Variants in MLLT10 observed in about 807,000 individuals in gnomAD.
The protein encoded by MLLT10 is protein AF-10.
In MLLT10, 30 loss-of-function variants were observed where a neutral mutation model predicts 129.1. The ratio of observed to expected loss-of-function variants is 0.23; its 90% CI spans 0.17 to 0.32. MLLT10 has a LOEUF of 0.32. Among genes scored for constraint, MLLT10 ranks in the 10% least tolerant of loss-of-function variants. The pLI is 1.00. For missense variants in MLLT10, 1,119 were observed against 1,268.3 expected, an observed-to-expected ratio of 0.88 and a Z score of 1.79; for synonymous variants, 490 against 446.4, an observed-to-expected ratio of 1.10 and a Z score of -1.23.
chr10:21,537,611 C>G (rs544032566), intron 2 of MLLT10, among the ~76,000 whole-genome samples: 1 of 151,986 alleles, frequency 6.6e-6, no homozygotes, highest in Non-Finnish European at 1.5e-5. Flanking sequence ...GTTACAGGCA[C>G]CTGCCACCAT....
chr10:21,620,425 T>G lies in MLLT10; in HGVS notation c.699+3218T>G, dbSNP rs577614484. Among the ~76,000 whole-genome samples, 328 of 152,324 alleles carry G rather than the reference T, an allele frequency of 2.2e-3. 3 individuals carry two copies. The highest frequency in any genetic ancestry group is 7.5e-3 in the African/African-American group (313 of 41,582). On this transcript the variant is annotated intron_variant, in intron 8 of 22. Coordinates refer to ENST00000307729, the MANE Select transcript of MLLT10 (RefSeq NM_001195626.3). ...ATGAAAACTATGCATTTATTGTGCT[T>G]CTAGATTTACCATGGAGTTATGTCA...
At chr10:21,555,001 G>A (rs7085930) in intron 3 of MLLT10, among the ~76,000 whole-genome samples, 4,247 of 150,548 alleles carry the variant, frequency 0.028, 193 homozygotes, top group African/African-American at 0.097. Flanking sequence ...TTCTATTTTA[G>A]GTAGAGACGG....
chr10:21,738,789 A>C (rs1453601685), intron 21 of MLLT10, among the ~76,000 whole-genome samples: 1 of 152,030 alleles, frequency 6.6e-6, no homozygotes, highest in African/African-American at 2.4e-5. Flanking sequence ...CTTACTACCT[A>C]ACTGGTCATT....
intron 1 of MLLT10, 61 bp from the exon 2 acceptor site, chr10:21,534,584 G>C (rs562268199): frequency 6.0e-5 from 92 of 1,531,438 alleles, no homozygotes; most frequent in Non-Finnish European, 7.4e-5. Flanking sequence ...GGGGCTGTGT[G>C]GGGGGGAAGC....
intron 8 of MLLT10, among the ~76,000 whole-genome samples, chr10:21,645,518 C>T (rs1010227886): frequency 1.3e-5 from 2 of 152,036 alleles, no homozygotes; most frequent in Non-Finnish European, 2.9e-5. Flanking sequence ...CTCACATGTT[C>T]TTTTTCTTTC....
intron 3 of MLLT10, among the ~76,000 whole-genome samples, chr10:21,578,006 G>C (rs1273023665): frequency 3.3e-5 from 5 of 151,318 alleles, no homozygotes; most frequent in African/African-American, 9.7e-5. Context: ...AGCGATTCTC[G>C]TGCCTCAGCC....
intron 8 of MLLT10, among the ~76,000 whole-genome samples, chr10:21,628,740 CT>C (rs1161362725): frequency 0.023 from 2,308 of 99,338 alleles, 33 homozygotes; most frequent in African/African-American, 0.08. Context: ...TGTGCCCTGC[CT>C]TTTTTTTTTT....
intron 3 of MLLT10, among the ~76,000 whole-genome samples, chr10:21,571,148 G>A (rs2040156624): frequency 6.6e-6 from 1 of 152,016 alleles, no homozygotes; most frequent in African/African-American, 2.4e-5. Context: ...TTTCCTTTTG[G>A]ACTTTTGGGT....
chr10:21,577,533 G>A (rs1045491769), intron 3 of MLLT10, among the ~76,000 whole-genome samples: 7 of 149,848 alleles, frequency 4.7e-5, no homozygotes, highest in Admixed American at 1.3e-4. Flanking sequence ...GTGCAATGGC[G>A]CAATCTCAGC....
intron 11 of MLLT10, among the ~76,000 whole-genome samples, chr10:21,675,260 T>A (rs978450461): frequency 6.6e-6 from 1 of 152,214 alleles, no homozygotes; most frequent in South Asian, 2.1e-4. Flanking sequence ...GAGCAGGATT[T>A]ATCAATCTTA....
In MLLT10 at chr10:21,624,784, A is replaced by C. The variant is rs193285918; in HGVS notation, c.699+7577A>C. The C allele has an allele frequency of 4.5e-5, 49 of 1,094,380 alleles. No individual in the cohort carries two copies. The Admixed American group carries it at 6.7e-4, about 15-fold the overall frequency. 67.8% of individuals were successfully genotyped at this position (1,094,380 alleles called of 1,614,324 possible). ...AAGCATCTGCCTTCTCTTGCGTCCT[A>C]CATTGTCCCCTGATTGCCCTGAGAT... is the stretch of plus-strand genomic sequence containing the variant. On this transcript the variant is annotated intron_variant, in intron 8 of 22. Transcript: ENST00000307729.
chr10:21,622,153 CTTTTTTTT>C (rs71393915), intron 8 of MLLT10, among the ~76,000 whole-genome samples: 5 of 99,816 alleles, frequency 5.0e-5, no homozygotes, highest in South Asian at 6.3e-4. Context: ...TTTGTTTTTC[CTTTTTTTT>C]TTTTTTTTTT....
At chr10:21,683,701 C>T (rs1264769297) in intron 13 of MLLT10, among the ~76,000 whole-genome samples, 7 of 151,972 alleles carry the variant, frequency 4.6e-5, no homozygotes, top group Non-Finnish European at 8.8e-5. Flanking sequence ...CCCCACTGCC[C>T]CATCCCCAAC....
At chr10:21,620,943 A>G (rs1231308051) in intron 8 of MLLT10, among the ~76,000 whole-genome samples, 1 of 150,098 alleles carries the variant, frequency 6.7e-6, no homozygotes, top group East Asian at 2.0e-4. Flanking sequence ...TTGGCCTCCT[A>G]AAGTGCTGGG....
At chr10:21,722,661 G>A (rs988696730) in intron 14 of MLLT10, among the ~76,000 whole-genome samples, 3 of 152,078 alleles carry the variant, frequency 2.0e-5, no homozygotes, top group Non-Finnish European at 4.4e-5. Context: ...TCAGTAAGCC[G>A]TCTTCCTCTT....
chr10:21,576,219 C>T (rs537139503), intron 3 of MLLT10, among the ~76,000 whole-genome samples: 35 of 151,324 alleles, frequency 2.3e-4, no homozygotes, highest in African/African-American at 6.1e-4. Context: ...CGTGAGCCAC[C>T]GCACACCCAG....
At chr10:21,544,260 A>G (rs2035724420) in intron 3 of MLLT10, among the ~76,000 whole-genome samples, 1 of 152,164 alleles carries the variant, frequency 6.6e-6, no homozygotes, top group South Asian at 2.1e-4. Context: ...AGCTCCTGAT[A>G]TTTTCCATCT....
intron 16 of MLLT10, 47 bp from the exon 17 acceptor site, chr10:21,730,853 C>T (rs1484930129): frequency 1.2e-6 from 2 of 1,609,852 alleles, no homozygotes; most frequent in East Asian, 2.2e-5. Flanking sequence ...ACTGTACTCT[C>T]TTAAAAGCAT....
chr10:21,542,220 T>C (rs2035297557), intron 3 of MLLT10, among the ~76,000 whole-genome samples: 1 of 152,178 alleles, frequency 6.6e-6, no homozygotes, highest in African/African-American at 2.4e-5. Context: ...TCCACTCTTT[T>C]ATTCTCTCTG....
Sources: allele counts gnomAD v4.1 joint callset (sites outside exome capture counted in the v4.1 genomes callset), GRCh38; gene constraint gnomAD v4.1.1; transcripts MANE v1.5; gene names NCBI Gene and HGNC (gene_info 2026-07-23, HGNC 2026-07-21).